TRAPPC9: variants seen among roughly 807,000 people sequenced by gnomAD.
TRAPPC9 encodes IKK2 binding protein.
TRAPPC9 carries 83 observed loss-of-function variants against 124.0 expected under a neutral mutation model. The observed-to-expected ratio is 0.67, with a 90% CI of 0.56 to 0.80. The LOEUF (loss-of-function observed/expected upper bound fraction) is 0.80. Ranked by LOEUF, TRAPPC9 falls within the 30% of genes least tolerant of loss-of-function variation. TRAPPC9 has a pLI of 0.00. For missense variants in TRAPPC9, 1,302 were observed against 1,508.3 expected (o/e 0.86, Z 2.27); for synonymous variants, 638 against 617.5 (o/e 1.03, Z -0.49).
At chr8:139,881,654 C>G (rs1016587992) in intron 21 of TRAPPC9, among the ~76,000 whole-genome samples, 1 of 101,784 alleles carries the variant, frequency 9.8e-6, no homozygotes, top group Non-Finnish European at 2.0e-5. Context: ...AAAGAGCTGG[C>G]CTACCAACTG....
intron 17 of TRAPPC9, among the ~76,000 whole-genome samples, chr8:140,069,356 A>T (rs994575028): frequency 3.3e-5 from 5 of 152,092 alleles, no homozygotes; most frequent in Non-Finnish European, 7.4e-5. Context: ...CTATTCCTCT[A>T]AACAGTAAGA....
chr8:139,729,268 G>C lies in TRAPPC9; in HGVS notation c.*1793C>G, dbSNP rs1359863577. 6.6e-6 allele frequency among the ~76,000 whole-genome samples: 1 copy of C among 152,244 alleles called. No individual in the cohort carries two copies. The highest frequency in any genetic ancestry group is 1.5e-5 in the Non-Finnish European group (1 of 68,046). On this transcript the variant is annotated 3_prime_UTR_variant, in exon 23 of 23. Coordinates refer to ENST00000438773, the MANE Select transcript of TRAPPC9 (RefSeq NM_001160372.4). ...GGGGGGACATTGTCTACACAAGTGA[G>C]GTTGGGCTGAGCCCATCATCCTGCA...
At chr8:140,066,757 G>A (rs1316681841) in intron 17 of TRAPPC9, among the ~76,000 whole-genome samples, 1 of 152,218 alleles carries the variant, frequency 6.6e-6, no homozygotes, top group Non-Finnish European at 1.5e-5. Flanking sequence ...AAAGAAATCT[G>A]AAAAGGAGAC....
chr8:140,019,777 C>T (rs946232903), intron 18 of TRAPPC9, among the ~76,000 whole-genome samples: 1 of 151,956 alleles, frequency 6.6e-6, no homozygotes, highest in African/African-American at 2.4e-5. Context: ...GTTTCAAACT[C>T]CTGACCTCAG....
intron 19 of TRAPPC9, among the ~76,000 whole-genome samples, chr8:139,945,661 A>C (rs900154974): frequency 1.3e-5 from 2 of 151,946 alleles, no homozygotes; most frequent in African/African-American, 4.8e-5. Flanking sequence ...TACAGCAAAC[A>C]ACTTCAGGCC....
At chr8:140,202,786 A>G (rs1587914956) in intron 17 of TRAPPC9, among the ~76,000 whole-genome samples, 1 of 152,322 alleles carries the variant, frequency 6.6e-6, no homozygotes. Context: ...CTGGGCATCT[A>G]TTTCTAAGGT....
intron 17 of TRAPPC9, among the ~76,000 whole-genome samples, chr8:140,069,517 T>C (rs778104269): frequency 1.8e-4 from 27 of 146,238 alleles, no homozygotes; most frequent in Non-Finnish European, 2.8e-4. Context: ...ACGCAACTTA[T>C]AAATGAGTAT....
chr8:139,966,957 T>C (rs1387226301), intron 19 of TRAPPC9, among the ~76,000 whole-genome samples: 1 of 151,986 alleles, frequency 6.6e-6, no homozygotes, highest in African/African-American at 2.4e-5. Flanking sequence ...TAACATAGGG[T>C]AAGAAAAAAG....
At chr8:139,778,825 G>A (rs1272612670) in intron 21 of TRAPPC9, among the ~76,000 whole-genome samples, 1 of 152,142 alleles carries the variant, frequency 6.6e-6, no homozygotes, top group African/African-American at 2.4e-5. Context: ...CTCTGAAGGA[G>A]AAGAGAGTGG....
intron 21 of TRAPPC9, among the ~76,000 whole-genome samples, chr8:139,804,360 C>A (rs181480328): frequency 0.015 from 2,038 of 133,836 alleles, 71 homozygotes; most frequent in East Asian, 0.064. Flanking sequence ...CCAAGCACCA[C>A]CACCACCACT....
chr8:140,136,649 C>A (rs1307804884), intron 17 of TRAPPC9, among the ~76,000 whole-genome samples: 3 of 152,150 alleles, frequency 2.0e-5, no homozygotes, highest in African/African-American at 4.8e-5. Context: ...ACCAGCCTGG[C>A]CAATACGGTG....
intron 21 of TRAPPC9, among the ~76,000 whole-genome samples, chr8:139,754,207 G>T (rs1819545060): frequency 6.6e-6 from 1 of 152,180 alleles, no homozygotes; most frequent in Non-Finnish European, 1.5e-5. Context: ...GCCCTCTCCA[G>T]ACCCTGCTTT....
intron 8 of TRAPPC9, among the ~76,000 whole-genome samples, chr8:140,362,360 A>G (rs2132188471): frequency 6.6e-6 from 1 of 152,298 alleles, no homozygotes; most frequent in South Asian, 2.1e-4. Context: ...ACTTCAACAA[A>G]AAAACCAATA....
At chr8:139,743,335 C>T (rs1015970123) in intron 21 of TRAPPC9, among the ~76,000 whole-genome samples, 2 of 152,128 alleles carry the variant, frequency 1.3e-5, no homozygotes, top group African/African-American at 4.8e-5. Context: ...TTTGCGCTGG[C>T]GAGAAACAGG....
chr8:140,354,264 G>A (rs1283502195), intron 9 of TRAPPC9, among the ~76,000 whole-genome samples: 1 of 152,144 alleles, frequency 6.6e-6, no homozygotes, highest in Non-Finnish European at 1.5e-5. Flanking sequence ...AGGCTTCAGA[G>A]GATGACAGCT....
chr8:140,032,123 C>G (rs1365855754), intron 17 of TRAPPC9, among the ~76,000 whole-genome samples: 1 of 152,208 alleles, frequency 6.6e-6, no homozygotes, highest in South Asian at 2.1e-4. Context: ...TCCAAAGAAA[C>G]TCTGCCACTC....
intron 6 of TRAPPC9, among the ~76,000 whole-genome samples, chr8:140,398,594 T>C (rs1251585745): frequency 6.6e-6 from 1 of 152,178 alleles, no homozygotes; most frequent in Non-Finnish European, 1.5e-5. Flanking sequence ...TGGAGATTTG[T>C]GGAACTCTGA....
intron 20 of TRAPPC9, among the ~76,000 whole-genome samples, chr8:139,902,128 A>C (rs998491955): frequency 6.6e-6 from 1 of 152,220 alleles, no homozygotes; most frequent in African/African-American, 2.4e-5. Flanking sequence ...GTGCACGTTC[A>C]CACACACATG....
chr8:140,218,457 G>A lies in TRAPPC9; in HGVS notation c.2556+3002C>T, dbSNP rs552394555. ...AGAAGCATTTATTCATGACAATCTC[G>A]TTAATCTTGGTAAGAGCAAGGGAGA... On this transcript the variant is annotated intron_variant, in intron 17 of 22. Coordinates refer to ENST00000438773, the MANE Select transcript of TRAPPC9 (RefSeq NM_001160372.4). 3.9e-5 allele frequency among the ~76,000 whole-genome samples: 6 copies of A among 152,094 alleles called. No individual in the cohort carries two copies. The East Asian group carries it at 5.8e-4, about 15-fold the overall frequency.
Sources: allele counts gnomAD v4.1 joint callset (sites outside exome capture counted in the v4.1 genomes callset), GRCh38; gene constraint gnomAD v4.1.1; transcripts MANE v1.5; gene names NCBI Gene and HGNC (gene_info 2026-07-23, HGNC 2026-07-21).